PDE4B: variants seen among roughly 807,000 people sequenced by gnomAD.
PDE4B encodes phosphodiesterase 4B.
A neutral mutation model predicts 82.2 loss-of-function variants in PDE4B; 20 were observed. The observed-to-expected ratio is 0.24, with a 90% CI of 0.17 to 0.35. The LOEUF is 0.35. Ranked by LOEUF, PDE4B falls within the 10% of genes least tolerant of loss-of-function variation. The pLI is 1.00. For missense variants in PDE4B, 655 were observed against 907.2 expected, an observed-to-expected ratio of 0.72 and a Z score of 3.57; for synonymous variants, 320 against 318.9, an observed-to-expected ratio of 1.00 and a Z score of -0.04.
intron 16 of PDE4B, among the ~76,000 whole-genome samples, chr1:66,369,380 C>T (rs748783477): frequency 3.3e-5 from 5 of 152,224 alleles, no homozygotes; most frequent in African/African-American, 1.2e-4. Flanking sequence ...ATCAAGCCCA[C>T]GGTGACCATC....
chr1:66,344,405 T>G (rs1661236449), intron 8 of PDE4B, among the ~76,000 whole-genome samples: 1 of 152,252 alleles, frequency 6.6e-6, no homozygotes, highest in African/African-American at 2.4e-5. Context: ...CAGTATCATT[T>G]AATTTCAGAG....
chr1:66,152,636 A>ATATATGTG (rs1316240420), intron 3 of PDE4B: 2 of 54 alleles, frequency 0.037, no homozygotes, highest in African/African-American at 0.1. Context: ...ATGTGTATAC[A>ATATATGTG]CACACACACA....
intron 1 of PDE4B, among the ~76,000 whole-genome samples, chr1:65,852,912 A>T (rs1197628887): frequency 6.6e-6 from 1 of 152,082 alleles, no homozygotes; most frequent in Non-Finnish European, 1.5e-5. Flanking sequence ...TTTATTGATA[A>T]TGTTAAGAAT....
At chr1:65,988,695 C>T (rs1386085714) in intron 3 of PDE4B, among the ~76,000 whole-genome samples, 5 of 151,850 alleles carry the variant, frequency 3.3e-5, no homozygotes, top group Non-Finnish European at 7.4e-5. Context: ...TCATTGTCTT[C>T]TCAAATATCC....
intron 6 of PDE4B, among the ~76,000 whole-genome samples, chr1:66,264,309 A>C (rs1023548564): frequency 3.3e-5 from 5 of 152,230 alleles, no homozygotes; most frequent in African/African-American, 1.2e-4. Flanking sequence ...CCTGAAAAAC[A>C]GCCCTCAGTA....
intron 6 of PDE4B, among the ~76,000 whole-genome samples, chr1:66,260,679 T>A (rs1654615540): frequency 6.6e-6 from 1 of 152,152 alleles, no homozygotes. Flanking sequence ...GTTAGTAGTA[T>A]CAGAACATTC....
chr1:65,797,519 G>A (rs1039060780), intron 1 of PDE4B, among the ~76,000 whole-genome samples: 1 of 152,172 alleles, frequency 6.6e-6, no homozygotes, highest in African/African-American at 2.4e-5. Context: ...GAGGCTTTGA[G>A]GTGCTGTTAG....
chr1:66,222,938 T>A (rs1391846541), intron 3 of PDE4B, among the ~76,000 whole-genome samples: 1 of 152,214 alleles, frequency 6.6e-6, no homozygotes, highest in Non-Finnish European at 1.5e-5. Context: ...AGTAAATGAA[T>A]AATAAAAGAT....
intron 1 of PDE4B, among the ~76,000 whole-genome samples, chr1:65,825,269 C>T (rs1646001068): frequency 6.6e-6 from 1 of 152,070 alleles, no homozygotes; most frequent in South Asian, 2.1e-4. Context: ...TGATATTATA[C>T]CTGGAACTGT....
At chr1:66,318,385 C>T (rs961729871) in intron 7 of PDE4B, among the ~76,000 whole-genome samples, 1 of 152,160 alleles carries the variant, frequency 6.6e-6, no homozygotes, top group African/African-American at 2.4e-5. Flanking sequence ...TAAGCCAATC[C>T]AAATGTCTCC....
chr1:66,093,335 A>C (rs1277816974), intron 3 of PDE4B, among the ~76,000 whole-genome samples: 1 of 152,080 alleles, frequency 6.6e-6, no homozygotes, highest in East Asian at 1.9e-4. Context: ...TAAAAACCAC[A>C]TGATGAGGTG....
intron 3 of PDE4B, among the ~76,000 whole-genome samples, chr1:66,101,245 G>A (rs1167448614): frequency 6.6e-6 from 1 of 152,100 alleles, no homozygotes; most frequent in Non-Finnish European, 1.5e-5. Context: ...TGGACATTTG[G>A]GTTGGTTTCA....
intron 3 of PDE4B, among the ~76,000 whole-genome samples, chr1:66,049,188 C>T (rs1007943582): frequency 7.9e-5 from 12 of 151,998 alleles, no homozygotes; most frequent in Non-Finnish European, 1.3e-4. Flanking sequence ...GACAAAGTCA[C>T]TACTCTTTGC....
At chr1:66,269,606 A>G (rs1349315966) in intron 7 of PDE4B, among the ~76,000 whole-genome samples, 13 of 152,244 alleles carry the variant, frequency 8.5e-5, no homozygotes, top group African/African-American at 2.7e-4. Flanking sequence ...AGTAATTCTC[A>G]GGATTTCAGG....
chr1:66,181,063 T>G (rs1008988718), intron 3 of PDE4B, among the ~76,000 whole-genome samples: 2 of 152,194 alleles, frequency 1.3e-5, no homozygotes, highest in Non-Finnish European at 2.9e-5. Context: ...GTAACAGGCC[T>G]CAATGCCCAT....
intron 3 of PDE4B, among the ~76,000 whole-genome samples, chr1:66,113,694 C>A: frequency 6.6e-6 from 1 of 152,106 alleles, no homozygotes; most frequent in Non-Finnish European, 1.5e-5. Flanking sequence ...TTAAGATATG[C>A]AAAGATATAT....
chr1:65,826,656 G>A (rs978011630), intron 1 of PDE4B, among the ~76,000 whole-genome samples: 1 of 152,110 alleles, frequency 6.6e-6, no homozygotes, highest in Non-Finnish European at 1.5e-5. Context: ...TAAAATTGTA[G>A]CCTGAGAGAA....
intron 3 of PDE4B, among the ~76,000 whole-genome samples, chr1:66,006,652 G>A (rs914496536): frequency 6.6e-6 from 1 of 152,088 alleles, no homozygotes; most frequent in Non-Finnish European, 1.5e-5. Flanking sequence ...GGAGGGACCT[G>A]GTGGGAGGTA....
At position 66,353,553 on chromosome 1, in the gene PDE4B, A is replaced by G. The variant is rs546612378; in HGVS notation, c.748-1974A>G. On this transcript the variant is annotated intron_variant, in intron 8 of 16. Coordinates refer to ENST00000341517, the MANE Select transcript of PDE4B (RefSeq NM_002600.4). ...TGCTTTGCTATTCCTTCAACTTGCT[A>G]TAGATGAAATAAATCCTGGGAGTAC... Among the ~76,000 whole-genome samples the G allele has an allele frequency of 7.9e-5, 12 of 152,286 alleles. No individual in the cohort carries two copies. The South Asian group carries it at 2.5e-3, about 32-fold the overall frequency.
Sources: gnomAD v4.1 joint callset for allele counts (sites outside exome capture counted in the v4.1 genomes callset) on GRCh38, gnomAD v4.1.1 for gene constraint, MANE v1.5 for transcripts, NCBI Gene and HGNC (gene_info 2026-07-23, HGNC 2026-07-21) for gene names.